CEP192: variants seen among roughly 807,000 people sequenced by gnomAD.
The protein encoded by CEP192 is centrosomal protein of 192 kDa.
In CEP192, 151 loss-of-function variants were observed where a neutral mutation model predicts 271.8. The observed-to-expected ratio is 0.56, with a 90% CI of 0.49 to 0.64. The LOEUF is 0.64. CEP192 is among the 30% of genes least tolerant of loss of function. CEP192 has a pLI of 0.00. For missense variants in CEP192, 2,910 were observed against 3,020.5 expected, an observed-to-expected ratio of 0.96 and a Z score of 0.86; for synonymous variants, 995 against 1,076.5, an observed-to-expected ratio of 0.92 and a Z score of 1.48.
chr18:13,035,508 G>T (rs1427102248), intron 11 of CEP192, among the ~76,000 whole-genome samples: 1 of 152,192 alleles, frequency 6.6e-6, no homozygotes, highest in Non-Finnish European at 1.5e-5. Context: ...AATAGCATGG[G>T]AAAGACCGGC....
At chr18:13,005,257 A>T (rs1322732292) in intron 3 of CEP192, among the ~76,000 whole-genome samples, 5 of 152,198 alleles carry the variant, frequency 3.3e-5, no homozygotes, top group African/African-American at 9.7e-5. Flanking sequence ...AGGAATGTTC[A>T]GAGAAGAGAT....
At chr18:13,035,068 T>C (rs569862101) in intron 11 of CEP192, among the ~76,000 whole-genome samples, 18 of 152,314 alleles carry the variant, frequency 1.2e-4, no homozygotes, top group African/African-American at 3.8e-4. Context: ...AGTTCTGCTT[T>C]CTTATTGGCT....
intron 5 of CEP192, among the ~76,000 whole-genome samples, chr18:13,014,695 T>C (rs2034545366): frequency 6.6e-6 from 1 of 152,230 alleles, no homozygotes; most frequent in African/African-American, 2.4e-5. Flanking sequence ...AGCTCAGCAC[T>C]GTCCTCTCTA....
intron 15 of CEP192, among the ~76,000 whole-genome samples, chr18:13,046,512 G>A (rs2036489854): frequency 6.6e-6 from 1 of 151,992 alleles, no homozygotes; most frequent in Non-Finnish European, 1.5e-5. Context: ...TCGTTTAAGA[G>A]TTTTATATGA....
chr18:13,100,488 A>G lies in CEP192; in HGVS notation c.6847A>G (p.Thr2283Ala). The G allele has an allele frequency of 6.2e-7, 1 of 1,613,506 alleles. No individual in the cohort carries two copies. The highest frequency in any genetic ancestry group is 8.5e-7 in the Non-Finnish European group (1 of 1,179,726). The change falls in exon 38 of 45, where the codon ACA (threonine) becomes GCA (alanine). Residue 2283 changes from threonine (T) to alanine (A), a missense_variant. Transcript: ENST00000506447. ...EIRNKSITFP[T>A]TEPGETSESC... ...AAGAAACAAGAGTATTACTTTTCCT[A>G]CAACAGAACCTGGTGAAACTTCAGG...
At chr18:13,029,249 C>T (rs897951857) in intron 9 of CEP192, among the ~76,000 whole-genome samples, 1 of 152,204 alleles carries the variant, frequency 6.6e-6, no homozygotes, top group Non-Finnish European at 1.5e-5. Flanking sequence ...CTGCCTTACT[C>T]CTATTAAAAG....
intron 21 of CEP192, among the ~76,000 whole-genome samples, chr18:13,060,026 G>A (rs1185131594): frequency 1.3e-5 from 2 of 152,202 alleles, no homozygotes; most frequent in Non-Finnish European, 2.9e-5. Flanking sequence ...ATGGGAGGGT[G>A]CAGAATAGAG....
intron 21 of CEP192, among the ~76,000 whole-genome samples, chr18:13,064,443 T>C (rs1250337008): frequency 6.6e-6 from 1 of 151,828 alleles, no homozygotes; most frequent in African/African-American, 2.4e-5. Context: ...GAACCCCGTC[T>C]CTACTAAAAA....
intron 38 of CEP192, among the ~76,000 whole-genome samples, chr18:13,102,810 G>A (rs1176245172): frequency 2.6e-5 from 4 of 152,154 alleles, no homozygotes; most frequent in Non-Finnish European, 4.4e-5. Context: ...TCTCCTGCGC[G>A]ATGATGGCCT....
chr18:13,059,400 T>A, intron 21 of CEP192, 88 bp downstream of exon 21: 1 of 1,096,586 alleles, frequency 9.1e-7, no homozygotes, highest in Non-Finnish European at 1.3e-6. Context: ...AAAAAGAAAT[T>A]TGTGGACGAA....
chr18:13,104,270 G>A (rs2039850708), intron 39 of CEP192, among the ~76,000 whole-genome samples: 1 of 152,150 alleles, frequency 6.6e-6, no homozygotes, highest in South Asian at 2.1e-4. Context: ...CCAGCCAGCG[G>A]TGCAGGAAAC....
intron 30 of CEP192, among the ~76,000 whole-genome samples, chr18:13,084,873 G>C (rs2038817092): frequency 6.6e-6 from 1 of 151,648 alleles, no homozygotes; most frequent in Admixed American, 6.6e-5. Context: ...GAGTGCAGTG[G>C]TACAATCTCG....
chr18:13,075,399 C>T (rs2038218020), intron 30 of CEP192, among the ~76,000 whole-genome samples: 2 of 152,174 alleles, frequency 1.3e-5, no homozygotes, highest in Non-Finnish European at 2.9e-5. Flanking sequence ...AACCCCATCT[C>T]TACTAAACAT....
intron 30 of CEP192, among the ~76,000 whole-genome samples, chr18:13,080,592 A>G (rs1159948773): frequency 1.1e-4 from 16 of 152,302 alleles, no homozygotes; most frequent in Non-Finnish European, 1.2e-4. Context: ...AACAGGGACA[A>G]TTTGACTTCC....
At chr18:13,089,389 A>C (rs1177131890) in intron 32 of CEP192, 67 bp from the exon 33 acceptor site, 1 of 747,294 alleles carries the variant, frequency 1.3e-6, no homozygotes, top group African/African-American at 1.8e-5. Flanking sequence ...CATTAGTGAA[A>C]ATCTAATTAA....
intron 15 of CEP192, among the ~76,000 whole-genome samples, chr18:13,048,069 T>G (rs1179621980): frequency 6.6e-6 from 1 of 152,212 alleles, no homozygotes; most frequent in Non-Finnish European, 1.5e-5. Flanking sequence ...AGATCCTACA[T>G]CATGCTTATA....
chr18:13,019,911 C>A (rs2034888010), intron 9 of CEP192, among the ~76,000 whole-genome samples: 1 of 151,812 alleles, frequency 6.6e-6, no homozygotes, highest in Non-Finnish European at 1.5e-5. Context: ...CTCCCAGGTT[C>A]AAGCAATTCT....
At chr18:12,993,082 G>A (rs2032976737) in intron 1 of CEP192, among the ~76,000 whole-genome samples, 1 of 152,172 alleles carries the variant, frequency 6.6e-6, no homozygotes, top group East Asian at 1.9e-4. Context: ...AAAAAGTGAT[G>A]GGCAACGGGC....
intron 42 of CEP192, 86 bp downstream of exon 42, chr18:13,114,337 G>A: frequency 1.4e-6 from 2 of 1,403,196 alleles, no homozygotes; most frequent in South Asian, 2.6e-5. Flanking sequence ...GACTTTACCT[G>A]AGTTCACATG....
Sources: gnomAD v4.1 joint callset for allele counts (sites outside exome capture counted in the v4.1 genomes callset) on GRCh38, gnomAD v4.1.1 for gene constraint, MANE v1.5 for transcripts, NCBI Gene and HGNC (gene_info 2026-07-23, HGNC 2026-07-21) for gene names.